The following SPMAP2L variants were observed in gnomAD, a reference collection of about 807,000 sequenced individuals.
SPMAP2L encodes sperm microtubule associated protein 2 like.
At chr4:56,590,455 A>G in the SPMAP2L span, among the ~76,000 whole-genome samples, 2 of 152,238 alleles carry the variant, frequency 1.3e-5, no homozygotes, top group Admixed American at 6.5e-5. Flanking sequence ...GTTCATTCAC[A>G]TAGTTTCAAA....
the SPMAP2L span, among the ~76,000 whole-genome samples, chr4:56,624,066 T>G: frequency 6.6e-6 from 1 of 152,138 alleles, no homozygotes; most frequent in African/African-American, 2.4e-5. Context: ...TCGATAATGA[T>G]ATGGACAATG....
chr4:56,554,175 T>A, the SPMAP2L span, among the ~76,000 whole-genome samples: 1 of 152,220 alleles, frequency 6.6e-6, no homozygotes, highest in African/African-American at 2.4e-5. Flanking sequence ...CGTGCAGGTT[T>A]TTTTGGTATA....
At chr4:56,575,770 A>G in the SPMAP2L span, 1 of 864,274 alleles carries the variant, frequency 1.2e-6, no homozygotes. Context: ...AGCATCAGGT[A>G]AAAAATCAAA....
chr4:56,531,162 C>G, the SPMAP2L span: 2 of 1,530,274 alleles, frequency 1.3e-6, no homozygotes, highest in Non-Finnish European at 1.7e-6. Context: ...AGCTGTCTTT[C>G]CTGGGTGGTA....
chr4:56,569,043 A>G, the SPMAP2L span, among the ~76,000 whole-genome samples: 1 of 152,144 alleles, frequency 6.6e-6, no homozygotes, highest in Non-Finnish European at 1.5e-5. Flanking sequence ...GCCACATTTT[A>G]TTTATCGATT....
At chr4:56,531,055 C>CCCCGCAAGT in the SPMAP2L span, 1 of 1,535,504 alleles carries the variant, frequency 6.5e-7, no homozygotes, top group African/African-American at 1.4e-5. Context: ...CACCCGTGAG[C>CCCCGCAAGT]CCCGCAAGTC....
chr4:56,531,190 G>C, the SPMAP2L span: 204 of 1,508,672 alleles, frequency 1.4e-4, no homozygotes, highest in Non-Finnish European at 1.7e-4. Context: ...CCCTTCCCTC[G>C]TCCCCTCTCC....
chr4:56,592,011 G>A, the SPMAP2L span, among the ~76,000 whole-genome samples: 7 of 152,166 alleles, frequency 4.6e-5, no homozygotes, highest in African/African-American at 9.7e-5. Flanking sequence ...GACCAATACC[G>A]GTCCGTGGCC....
At chr4:56,534,928 T>TCAA in the SPMAP2L span, among the ~76,000 whole-genome samples, 1 of 151,876 alleles carries the variant, frequency 6.6e-6, no homozygotes, top group African/African-American at 2.4e-5. Flanking sequence ...AAACTCCATC[T>TCAA]CAACAACAAC....
At chr4:56,596,320 G>A in the SPMAP2L span, among the ~76,000 whole-genome samples, 2 of 152,158 alleles carry the variant, frequency 1.3e-5, no homozygotes, top group Admixed American at 1.3e-4. Context: ...ATGTAATCTT[G>A]TTTGAGAAAG....
At chr4:56,620,453 C>A in the SPMAP2L span, among the ~76,000 whole-genome samples, 1 of 149,920 alleles carries the variant, frequency 6.7e-6, no homozygotes, top group East Asian at 2.0e-4. Flanking sequence ...ACAGCGCGAT[C>A]TCAGCTCACC....
At chr4:56,575,767 G>C in the SPMAP2L span, 1 of 892,138 alleles carries the variant, frequency 1.1e-6, no homozygotes, top group African/African-American at 1.7e-5. Flanking sequence ...CAAAGCATCA[G>C]GTAAAAAATC....
chr4:56,606,531 C>T, the SPMAP2L span, among the ~76,000 whole-genome samples: 34 of 152,210 alleles, frequency 2.2e-4, no homozygotes, highest in East Asian at 2.3e-3. Flanking sequence ...ACCTGTGTCC[C>T]TGGAGCTGTT....
the SPMAP2L span, among the ~76,000 whole-genome samples, chr4:56,542,887 T>G: frequency 6.6e-6 from 1 of 152,126 alleles, no homozygotes; most frequent in Non-Finnish European, 1.5e-5. Flanking sequence ...TAGATACCAT[T>G]ATTTTATTAG....
At chr4:56,624,989 C>T in the SPMAP2L span, among the ~76,000 whole-genome samples, 6 of 152,136 alleles carry the variant, frequency 3.9e-5, no homozygotes, top group Non-Finnish European at 8.8e-5. Context: ...GGAAAAGCTG[C>T]AGACATTCAA....
At chr4:56,543,214 G>A in the SPMAP2L span, among the ~76,000 whole-genome samples, 1 of 151,730 alleles carries the variant, frequency 6.6e-6, no homozygotes, top group Non-Finnish European at 1.5e-5. Context: ...CTCCCGAGTA[G>A]CTGGGACTAC....
chr4:56,546,084 G>A, the SPMAP2L span, among the ~76,000 whole-genome samples: 1 of 152,124 alleles, frequency 6.6e-6, no homozygotes, highest in African/African-American at 2.4e-5. Flanking sequence ...ATAAGCCACC[G>A]TGCCCAGCCA....
chr4:56,592,142 T>C, the SPMAP2L span, among the ~76,000 whole-genome samples: 16 of 152,282 alleles, frequency 1.1e-4, no homozygotes, highest in Admixed American at 7.8e-4. Flanking sequence ...GTGAACCCTA[T>C]TGTTAACTGT....
At chr4:56,574,009 G>A in the SPMAP2L span, among the ~76,000 whole-genome samples, 1 of 152,148 alleles carries the variant, frequency 6.6e-6, no homozygotes, top group African/African-American at 2.4e-5. Flanking sequence ...TATAATAGAA[G>A]CAAAAGTGGG....
Sources: allele counts gnomAD v4.1 joint callset (sites outside exome capture counted in the v4.1 genomes callset), GRCh38; gene constraint gnomAD v4.1.1; transcripts MANE v1.5; gene names NCBI Gene and HGNC (gene_info 2026-07-23, HGNC 2026-07-21).